FAM78B: variants seen among roughly 807,000 people sequenced by gnomAD.
FAM78B encodes the protein family with sequence similarity 78 member B, also known as protein FAM78B.
In FAM78B, 10 loss-of-function variants were observed where a neutral mutation model predicts 20.0. The observed-to-expected ratio is 0.50, with a 90% CI of 0.31 to 0.85. FAM78B has a LOEUF of 0.85. Among genes scored for constraint, FAM78B ranks in the 40% least tolerant of loss-of-function variants. The pLI is 0.05. For synonymous variants in FAM78B, 135 were observed against 132.8 expected, an observed-to-expected ratio of 1.02 and a Z score of -0.12; for missense variants, 283 against 345.0, an observed-to-expected ratio of 0.82 and a Z score of 1.42.
At chr1:166,125,695 A>C (rs1654615390) in intron 1 of FAM78B, among the ~76,000 whole-genome samples, 1 of 152,154 alleles carries the variant, frequency 6.6e-6, no homozygotes, top group South Asian at 2.1e-4. Context: ...TCTGCATATA[A>C]CCTACGCACA....
chr1:166,133,335 T>C (rs867120403), intron 1 of FAM78B, among the ~76,000 whole-genome samples: 4 of 152,196 alleles, frequency 2.6e-5, no homozygotes, highest in Middle Eastern at 3.2e-3. Context: ...GAAGAGAGGA[T>C]ACCTGTTATT....
At chr1:166,110,027 C>T (rs1182809026) in intron 1 of FAM78B, among the ~76,000 whole-genome samples, 5 of 148,410 alleles carry the variant, frequency 3.4e-5, no homozygotes, top group Non-Finnish European at 6.0e-5. Flanking sequence ...GAATGGAAAA[C>T]CAAACATCGT....
intron 1 of FAM78B, among the ~76,000 whole-genome samples, chr1:166,085,262 A>G (rs1482593937): frequency 6.6e-6 from 1 of 152,176 alleles, no homozygotes; most frequent in Non-Finnish European, 1.5e-5. Context: ...TAATGGCAGC[A>G]TATGCATCTG....
At chr1:166,072,599 A>G (rs1468768592) in intron 1 of FAM78B, among the ~76,000 whole-genome samples, 1 of 152,202 alleles carries the variant, frequency 6.6e-6, no homozygotes, top group Non-Finnish European at 1.5e-5. Flanking sequence ...TGAAATAACC[A>G]TACTGGAGTC....
intron 1 of FAM78B, among the ~76,000 whole-genome samples, chr1:166,134,133 T>C (rs994808133): frequency 2.6e-5 from 4 of 152,272 alleles, no homozygotes; most frequent in Non-Finnish European, 1.5e-5. Context: ...ACATTCAGTT[T>C]CTCCTGTCAG....
chr1:166,125,266 A>G (rs1332194231), intron 1 of FAM78B, among the ~76,000 whole-genome samples: 1 of 148,260 alleles, frequency 6.7e-6, no homozygotes, highest in Non-Finnish European at 1.5e-5. Flanking sequence ...CTTTCCTTAA[A>G]TAAGCCATTG....
chr1:166,093,003 C>A (rs1408367165), intron 1 of FAM78B, among the ~76,000 whole-genome samples: 1 of 152,130 alleles, frequency 6.6e-6, no homozygotes, highest in Non-Finnish European at 1.5e-5. Flanking sequence ...CAAACCTACA[C>A]TCACACAAAT....
chr1:166,081,704 A>C (rs1652586117), intron 1 of FAM78B, among the ~76,000 whole-genome samples: 1 of 152,072 alleles, frequency 6.6e-6, no homozygotes, highest in Non-Finnish European at 1.5e-5. Flanking sequence ...TTCCCACAGG[A>C]GTAAGGCCCT....
rs371887209 is a variant in FAM78B, at chr1:166,112,588, C to T, written c.264-41825G>A. Reference sequence around the variant, plus strand: ...AAGGAGTACACACTAACGTCCCACTCCAGCTGCTCCTTTCTGAGGAGCCTT... The same window carrying T: ...AAGGAGTACACACTAACGTCCCACTTCAGCTGCTCCTTTCTGAGGAGCCTT... On this transcript the variant is annotated intron_variant, in intron 1 of 1. Transcript: ENST00000354422. 4.6e-5 allele frequency among the ~76,000 whole-genome samples: 7 copies of T among 152,326 alleles called. No homozygotes were observed. In the East Asian group the frequency reaches 1.3e-3, roughly 29 times the overall value.
intron 1 of FAM78B, among the ~76,000 whole-genome samples, chr1:166,158,285 A>G (rs543686497): frequency 6.6e-6 from 1 of 152,322 alleles, no homozygotes; most frequent in African/African-American, 2.4e-5. Flanking sequence ...TGATTGTGCC[A>G]CTGCACTCCA....
At chr1:166,109,814 GTATATATATATATATATGTATATA>G (rs1653928952) in intron 1 of FAM78B, among the ~76,000 whole-genome samples, 5 of 32,640 alleles carry the variant, frequency 1.5e-4, no homozygotes, top group South Asian at 1.2e-3. Context: ...ATGTATATAT[GTATATATATATATATATGTATATA>G]TGTATATATA....
Position 166,069,409 on chromosome 1 carries a change from G to T in FAM78B, c.*832C>A, listed in dbSNP as rs373606633. On this transcript the variant is annotated 3_prime_UTR_variant, in exon 2 of 2. Transcript: ENST00000354422. ...AGGGCTAATCATGGGAACAGAATAAGCAGCTGTAAACAAAATCAAGTTAGT... is the reference window on the plus strand; with the variant it reads ...AGGGCTAATCATGGGAACAGAATAATCAGCTGTAAACAAAATCAAGTTAGT... 5.3e-5 allele frequency: 8 copies of T among 152,228 alleles called. No homozygotes were observed. The East Asian group carries it at 1.4e-3, about 26-fold the overall frequency. 9.4% of individuals were successfully genotyped at this position (152,228 alleles called of 1,614,324 possible).
intron 2 of FAM78B, among the ~76,000 whole-genome samples, chr1:166,062,029 G>C (rs1651620652): frequency 6.6e-6 from 1 of 152,160 alleles, no homozygotes; most frequent in Non-Finnish European, 1.5e-5. Context: ...TCTGGGTGAG[G>C]AAAATTTTTC....
At chr1:166,078,579 G>A (rs2101720080) in intron 1 of FAM78B, among the ~76,000 whole-genome samples, 1 of 152,270 alleles carries the variant, frequency 6.6e-6, no homozygotes, top group African/African-American at 2.4e-5. Flanking sequence ...AGCAGTCCAT[G>A]GGTTAAGGTC....
At chr1:166,094,365 T>C (rs991839609) in intron 1 of FAM78B, among the ~76,000 whole-genome samples, 2 of 152,170 alleles carry the variant, frequency 1.3e-5, no homozygotes, top group African/African-American at 4.8e-5. Flanking sequence ...CTGTGTCCCG[T>C]GCTCCATGTA....
chr1:166,061,532 T>A (rs1160819625), intron 2 of FAM78B, among the ~76,000 whole-genome samples: 2 of 152,204 alleles, frequency 1.3e-5, no homozygotes, highest in Middle Eastern at 3.2e-3. Context: ...AAAAAAAACT[T>A]GTTCCAATTG....
At chr1:166,061,816 C>T in intron 2 of FAM78B, among the ~76,000 whole-genome samples, 1 of 148,716 alleles carries the variant, frequency 6.7e-6, no homozygotes, top group Non-Finnish European at 1.5e-5. Context: ...GAATGACAGA[C>T]ACAGCAGGGA....
intron 1 of FAM78B, among the ~76,000 whole-genome samples, chr1:166,110,731 T>G (rs755056540): frequency 6.6e-6 from 1 of 152,146 alleles, no homozygotes; most frequent in Non-Finnish European, 1.5e-5. Flanking sequence ...GCCCAACTAT[T>G]AGAGACTCAG....
intron 1 of FAM78B, among the ~76,000 whole-genome samples, chr1:166,105,244 T>C (rs1248819392): frequency 6.6e-6 from 1 of 152,134 alleles, no homozygotes; most frequent in East Asian, 1.9e-4. Context: ...CCCAAAACCA[T>C]AAAAACCCTA....
Sources: gnomAD v4.1 joint callset for allele counts (sites outside exome capture counted in the v4.1 genomes callset) on GRCh38, gnomAD v4.1.1 for gene constraint, MANE v1.5 for transcripts, NCBI Gene and HGNC (gene_info 2026-07-23, HGNC 2026-07-21) for gene names.